Variants in UNKL observed in about 807,000 individuals in gnomAD.
The protein encoded by UNKL is putative E3 ubiquitin-protein ligase UNKL.
Under a neutral mutation model 78.0 loss-of-function variants are expected in UNKL, and 60 were observed. That is an observed-to-expected ratio of 0.77 (90% CI 0.63 to 0.95). The LOEUF is 0.95. Among genes scored for constraint, UNKL ranks in the 40% least tolerant of loss-of-function variants. The probability of loss-of-function intolerance (pLI) is 0.00; values close to 1 mark genes in which losing one functional copy is unlikely to be tolerated. For missense variants in UNKL, 1,159 were observed against 1,045.7 expected (o/e 1.11, Z -1.49); for synonymous variants, 608 against 474.8 (o/e 1.28, Z -3.65).
chr16:1,411,070 G>A (rs1302231278), intron 2 of UNKL, among the ~76,000 whole-genome samples: 1 of 152,116 alleles, frequency 6.6e-6, no homozygotes, highest in Non-Finnish European at 1.5e-5. Context: ...AAAATGAGCC[G>A]AGGTGTGTGG....
chr16:1,398,363 T>C, intron 5 of UNKL: 1 of 1,022,838 alleles, frequency 9.8e-7, no homozygotes, highest in Non-Finnish European at 1.2e-6. Flanking sequence ...ATTAAGTGCC[T>C]GTTGAAAAAA....
intron 14 of UNKL, 133 bp downstream of exon 14, chr16:1,366,959 C>T: frequency 7.1e-7 from 1 of 1,417,112 alleles, no homozygotes; most frequent in Non-Finnish European, 9.2e-7. Flanking sequence ...GCACCGTCTC[C>T]TCCTCCCTAG....
intron 10 of UNKL, among the ~76,000 whole-genome samples, 169 bp downstream of exon 10, chr16:1,385,039 C>A (rs1319974630): frequency 1.3e-5 from 2 of 152,252 alleles, no homozygotes; most frequent in East Asian, 3.8e-4. Context: ...GTTTCCACAA[C>A]CACACGTGCA....
chr16:1,382,978 T>C (rs914246101), intron 10 of UNKL, among the ~76,000 whole-genome samples: 2 of 130,324 alleles, frequency 1.5e-5, no homozygotes, highest in African/African-American at 6.0e-5. Flanking sequence ...CACACACACA[T>C]GCCGGGCACA....
chr16:1,368,086 A>T, intron 12 of UNKL: 1 of 580,882 alleles, frequency 1.7e-6, no homozygotes, highest in Non-Finnish European at 3.1e-6. Flanking sequence ...TCCCCACCAG[A>T]TCTACGCCTT....
intron 2 of UNKL, among the ~76,000 whole-genome samples, chr16:1,411,730 C>T (rs1466731600): frequency 1.3e-5 from 2 of 151,608 alleles, no homozygotes; most frequent in Non-Finnish European, 2.9e-5. Flanking sequence ...GAGGCTGAGG[C>T]AGGAGAATCG....
At chr16:1,397,912 G>C (rs928013181) in intron 5 of UNKL, among the ~76,000 whole-genome samples, 1 of 152,246 alleles carries the variant, frequency 6.6e-6, no homozygotes, top group Non-Finnish European at 1.5e-5. Context: ...CTCGGGCATG[G>C]GGCCCTGGAG....
At position 1,397,263 on chromosome 16, in the gene UNKL, T is replaced by TC. The variant is rs2037311025; in HGVS notation, c.766dup (p.Asp256GlyfsTer2). 3.4e-6 allele frequency: 5 copies of TC among 1,466,850 alleles called. No individual in the cohort carries two copies. The highest frequency in any genetic ancestry group is 5.1e-5 in the East Asian group (2 of 39,248). 90.9% of individuals were successfully genotyped at this position (1,466,850 alleles called of 1,614,324 possible). A position where few individuals can be genotyped will look rare whatever the true frequency, so the allele number is the denominator to read the frequency against. ...GCAGCGTGAGGGTTCCCCCCACTCA[T>TC]CCCCGTGCTTCACACTGGGGCAGGG... On this transcript the variant is annotated frameshift_variant, in exon 6 of 15. Coordinates refer to ENST00000389221, the MANE Select transcript of UNKL (RefSeq NM_001372107.1). LOFTEE classifies it high-confidence loss of function.
rs761642714 is a variant in UNKL at position 1,366,333 on chromosome 16, G to C, written c.2109C>G (p.Val703=). ...VACRERAHGA[V]LRPCQHHILC... Reference sequence around the variant, plus strand: ...GGATGTGGTGCTGACAGGGCCGCAGGACAGCACCGTGGGCCCGCTCCCGGC... The same window carrying C: ...GGATGTGGTGCTGACAGGGCCGCAGCACAGCACCGTGGGCCCGCTCCCGGC... Residue 703 remains valine (V), a synonymous_variant, in exon 15 of 15, where the codon GTC becomes GTG. Transcript: ENST00000389221. 3.1e-6 allele frequency: 5 copies of C among 1,604,422 alleles called. No individual in the cohort carries two copies. In the Admixed American group the frequency reaches 5.1e-5, roughly 16 times the overall value.
intron 2 of UNKL, among the ~76,000 whole-genome samples, chr16:1,411,357 C>A (rs1308727557): frequency 6.6e-6 from 1 of 151,770 alleles, no homozygotes; most frequent in Non-Finnish European, 1.5e-5. Flanking sequence ...GTCTCAAAAA[C>A]AAAATAATAA....
At position 1,414,591 on chromosome 16, in the gene UNKL, GCCGCAGGCCGGA is replaced by G; in HGVS notation, c.77+12_77+23del. The G allele has an allele frequency of 2.0e-6, 2 of 1,017,562 alleles. No individual in the cohort carries two copies. Among genetic ancestry groups the G allele is most frequent in the Non-Finnish European group, 2.4e-6 (2 of 845,944 alleles). The allele number at this position is 1,017,562 out of a possible 1,614,324, so 63.0% of individuals were successfully genotyped here. A position where few individuals can be genotyped will look rare whatever the true frequency, so the allele number is the denominator to read the frequency against. ...GAGCTGCACCGGGCGCGGGCGGGGG[GCCGCAGGCCGGA>G]CGGGCGCTGACCTGTAGTGGGTCGG... On this transcript the variant is annotated intron_variant, in intron 1 of 14. Transcript: ENST00000389221.
At chr16:1,408,287 T>A (rs946654449) in intron 2 of UNKL, among the ~76,000 whole-genome samples, 2 of 151,830 alleles carry the variant, frequency 1.3e-5, no homozygotes, top group African/African-American at 4.8e-5. Flanking sequence ...CCAGGACGGT[T>A]CCCACGGGGG....
Position 1,387,703 on chromosome 16 carries a change from G to A in UNKL, c.1087-2318C>T, listed in dbSNP as rs887446589. Among the ~76,000 whole-genome samples the A allele has an allele frequency of 1.3e-5, 2 of 152,080 alleles. No homozygotes were observed. Among genetic ancestry groups the A allele is most frequent in the South Asian group, 2.1e-4 (1 of 4,824 alleles). ...TCAGGATGGCAACGCACGGCCCTCCGGGGACGTGGACACTGCACAGCCGCA... is the reference window on the plus strand; with the variant it reads ...TCAGGATGGCAACGCACGGCCCTCCAGGGACGTGGACACTGCACAGCCGCA... On this transcript the variant is annotated intron_variant, in intron 9 of 14. Coordinates refer to ENST00000389221, the MANE Select transcript of UNKL (RefSeq NM_001372107.1). This position sits in a 1 kb window ranked among gnomAD's most constrained non-coding sequence, Gnocchi z 4.1.
rs1567196382 is a variant in UNKL, at chr16:1,367,380, C to G, written c.1789-31G>C. The G allele has an allele frequency of 5.3e-6, 8 of 1,518,264 alleles. No individual in the cohort carries two copies. In the South Asian group the frequency reaches 9.9e-5, roughly 19 times the overall value. The allele number at this position is 1,518,264 out of a possible 1,614,324, so 94.0% of individuals were successfully genotyped here. A position where few individuals can be genotyped will look rare whatever the true frequency, so the allele number is the denominator to read the frequency against. On this transcript the variant is annotated intron_variant, in intron 13 of 14. Transcript: ENST00000389221. ...ACCCAGGGCCCGTCTCAGCACCCCC[C>G]ACCTCACCTGTGCCACCTGCAGACC...
rs763271588 is a variant in UNKL at position 1,414,626 on chromosome 16, C to T, written c.66G>A (p.Pro22=). Residue 22 remains proline, a synonymous_variant, in exon 1 of 15, where the codon CCG becomes CCA. Coordinates refer to ENST00000389221, the MANE Select transcript of UNKL (RefSeq NM_001372107.1). The part of the protein sequence containing the change: ...LSGSPPQTEK[P]THYRYLKEFR... ...GGACGGGCGCTGACCTGTAGTGGGTCGGCTTCTCAGTCTGCGGGGGGGACC... is the reference window on the plus strand; with the variant it reads ...GGACGGGCGCTGACCTGTAGTGGGTTGGCTTCTCAGTCTGCGGGGGGGACC... 9.1e-7 allele frequency: 1 copy of T among 1,103,144 alleles called. No homozygotes were observed. Among genetic ancestry groups the T allele is most frequent in the Non-Finnish European group, 1.1e-6 (1 of 897,994 alleles). The allele number at this position is 1,103,144 out of a possible 1,614,324, so 68.3% of individuals were successfully genotyped here. A position where few individuals can be genotyped will look rare whatever the true frequency, so the allele number is the denominator to read the frequency against.
In UNKL at chr16:1,368,047, G is replaced by A. The variant is rs1406162520; in HGVS notation, c.1586-189C>T. 8 of 608,306 alleles carry A rather than the reference G, an allele frequency of 1.3e-5. 1 individual carries two copies. Among genetic ancestry groups the A allele is most frequent in the South Asian group, 6.0e-5 (3 of 50,044 alleles). 37.7% of individuals were successfully genotyped at this position (608,306 alleles called of 1,614,324 possible). A position where few individuals can be genotyped will look rare whatever the true frequency, so the allele number is the denominator to read the frequency against. ...GACCCCACCAGGCTCAGGAAGAGGCGCTGACAGTGACACCTGCCCCGGCCG... is the reference window on the plus strand; with the variant it reads ...GACCCCACCAGGCTCAGGAAGAGGCACTGACAGTGACACCTGCCCCGGCCG... On this transcript the variant is annotated intron_variant, in intron 12 of 14. Coordinates refer to ENST00000389221, the MANE Select transcript of UNKL (RefSeq NM_001372107.1).
rs770284237 is a variant in UNKL at position 1,399,761 on chromosome 16, C to T, written c.599-252G>A. On this transcript the variant is annotated intron_variant, in intron 4 of 14. Transcript: ENST00000389221. This position sits in a 1 kb window ranked among gnomAD's most constrained non-coding sequence, Gnocchi z 5.8. ...CCCAGAACTAGGGAACCCACAGAGA[C>T]GGAGTGGAGCCGAGACCACCAGGGC... 3.3e-5 allele frequency among the ~76,000 whole-genome samples: 5 copies of T among 152,184 alleles called. No individual in the cohort carries two copies. Among genetic ancestry groups the T allele is most frequent in the Admixed American group, 6.5e-5 (1 of 15,282 alleles).
intron 2 of UNKL, among the ~76,000 whole-genome samples, chr16:1,406,784 A>T (rs1427739696): frequency 6.6e-6 from 1 of 152,076 alleles, no homozygotes; most frequent in Non-Finnish European, 1.5e-5. Flanking sequence ...CCTACGCCTT[A>T]GGTCCTAAGG....
rs1321652547 is a variant in UNKL at position 1,378,158 on chromosome 16, C to G, written c.1265-6547G>C. ...TCCAAGCCCTGCATGGAATGCCCCC[C>G]ACTACATCCTTGCAGGTGTCAGCCT... On this transcript the variant is annotated intron_variant, in intron 10 of 14. Coordinates refer to ENST00000389221, the MANE Select transcript of UNKL (RefSeq NM_001372107.1). Among the ~76,000 whole-genome samples, 4 of 152,206 alleles carry G rather than the reference C, an allele frequency of 2.6e-5. No homozygotes were observed. The South Asian group carries it at 6.2e-4, about 24-fold the overall frequency.
Sources: allele counts gnomAD v4.1 joint callset (sites outside exome capture counted in the v4.1 genomes callset), GRCh38; gene constraint gnomAD v4.1.1; non-coding constraint Gnocchi (gnomAD v3.1); transcripts MANE v1.5; gene names NCBI Gene and HGNC (gene_info 2026-07-23, HGNC 2026-07-21).